The following TTC9 variants were observed in gnomAD, a reference collection of about 807,000 sequenced individuals.
TTC9 encodes the protein tetratricopeptide repeat domain 9.
A neutral mutation model predicts 22.9 loss-of-function variants in TTC9; 13 were observed. That is an observed-to-expected ratio of 0.57 (90% CI 0.37 to 0.90). The LOEUF is 0.90. TTC9 is among the 40% of genes least tolerant of loss of function. The pLI, the probability that TTC9 is intolerant of heterozygous loss-of-function variation, is 0.01. For missense variants in TTC9, 280 were observed against 291.8 expected, an observed-to-expected ratio of 0.96 and a Z score of 0.29; for synonymous variants, 148 against 133.2, an observed-to-expected ratio of 1.11 and a Z score of -0.77.
rs1263874282 is a variant in TTC9, at chr14:70,674,227, C to T, written c.*3072C>T. On this transcript the variant is annotated 3_prime_UTR_variant, in exon 3 of 3. Transcript: ENST00000256367. The stretch of plus-strand genomic sequence containing the variant: ...GGCATCTGACCTGCACTGTCATCCC[C>T]TGCCTGGACTTTTGCGATGGACTCT... The T allele has an allele frequency of 6.6e-6, 1 of 152,162 alleles. No homozygotes were observed. Among genetic ancestry groups the T allele is most frequent in the East Asian group, 1.9e-4 (1 of 5,196 alleles). The allele number at this position is 152,162 out of a possible 1,614,324, so 9.4% of individuals were successfully genotyped here.
chr14:70,642,318 A>AG lies in TTC9; in HGVS notation c.193dup (p.Ala65GlyfsTer11). 5 of 1,576,098 alleles carry AG rather than the reference A, an allele frequency of 3.2e-6. No homozygotes were observed. Among genetic ancestry groups the AG allele is most frequent in the Non-Finnish European group, 2.6e-6 (3 of 1,162,722 alleles). ...GACGAGCGCACGAGTTCAAAAGCCA[A>AG]GGGGCGCAGTGCTACAAGGACAAGA... On this transcript the variant is annotated frameshift_variant, in exon 1 of 3. Transcript: ENST00000256367. LOFTEE classifies it high-confidence loss of function.
intron 1 of TTC9, among the ~76,000 whole-genome samples, chr14:70,643,870 GAGT>G (rs1440226503): frequency 6.6e-6 from 1 of 152,202 alleles, no homozygotes; most frequent in Non-Finnish European, 1.5e-5. Context: ...AGGATTAATA[GAGT>G]AGTAGTAGCA....
At chr14:70,653,847 C>T (rs1282995836) in intron 1 of TTC9, among the ~76,000 whole-genome samples, 2 of 152,140 alleles carry the variant, frequency 1.3e-5, no homozygotes, top group Admixed American at 6.5e-5. Context: ...TTTGAGTCCC[C>T]AGGGGAGCTT....
rs1382334719 is a variant in TTC9 at position 70,673,833 on chromosome 14, C to T, written c.*2678C>T. 6.6e-6 allele frequency: 1 copy of T among 152,060 alleles called. No homozygotes were observed. 9.4% of individuals were successfully genotyped at this position (152,060 alleles called of 1,614,324 possible). On this transcript the variant is annotated 3_prime_UTR_variant, in exon 3 of 3. Coordinates refer to ENST00000256367, the MANE Select transcript of TTC9 (RefSeq NM_015351.2). ...ATCCAGGATATGATTGTAGCCATCC[C>T]ATGTAGAAAGATCAAAAACCAGAAC...
At chr14:70,667,857 C>T in intron 2 of TTC9, 111 bp downstream of exon 2, 6 of 1,033,216 alleles carry the variant, frequency 5.8e-6, no homozygotes, top group Non-Finnish European at 8.5e-6. Context: ...ACAGAGATGG[C>T]AAAATTAGGG....
At chr14:70,655,897 T>A (rs1886057776) in intron 1 of TTC9, among the ~76,000 whole-genome samples, 1 of 152,284 alleles carries the variant, frequency 6.6e-6, no homozygotes, top group Non-Finnish European at 1.5e-5. Flanking sequence ...ACCACTCACA[T>A]TTTTTGGCAG....
intron 1 of TTC9, among the ~76,000 whole-genome samples, chr14:70,659,132 G>GCACACACACACA (rs71105721): frequency 3.3e-4 from 47 of 144,314 alleles, no homozygotes; most frequent in African/African-American, 1.0e-3. Flanking sequence ...ACACACACAC[G>GCACACACACACA]CACACACACA....
chr14:70,666,222 G>A (rs1886213624), intron 1 of TTC9, among the ~76,000 whole-genome samples: 1 of 152,204 alleles, frequency 6.6e-6, no homozygotes, highest in African/African-American at 2.4e-5. Flanking sequence ...TCCCAGCCCT[G>A]TGGCTCCCTG....
chr14:70,655,443 C>G (rs1411649301), intron 1 of TTC9, among the ~76,000 whole-genome samples: 1 of 151,918 alleles, frequency 6.6e-6, no homozygotes, highest in Non-Finnish European at 1.5e-5. Context: ...AAAACTCTGT[C>G]ATTTACCACC....
intron 1 of TTC9, among the ~76,000 whole-genome samples, chr14:70,655,703 G>A (rs1426393598): frequency 6.6e-6 from 1 of 152,052 alleles, no homozygotes; most frequent in Admixed American, 6.6e-5. Flanking sequence ...GGGGCCACTC[G>A]ACTTCCTGTT....
In TTC9 at chr14:70,642,461, A is replaced by G; in HGVS notation, c.332A>G (p.Lys111Arg). 6.4e-7 allele frequency: 1 copy of G among 1,553,048 alleles called. No homozygotes were observed. The highest frequency in any genetic ancestry group is 8.7e-7 in the Non-Finnish European group (1 of 1,149,802). Residue 111 changes from lysine to arginine, a missense_variant, in exon 1 of 3, where the codon AAG (lysine) becomes AGG (arginine). This residue lies in a region of TTC9 where 165 missense variants were observed against 145.4 expected (regional missense o/e 1.14). Coordinates refer to ENST00000256367, the MANE Select transcript of TTC9 (RefSeq NM_015351.2). ...SRPASPAGAL[K>R]PGRLSEEQSK... ...CCGGCCTCCCCGGCTGGGGCCCTGA[A>G]GCCCGGCCGCCTCTCGGAGGAGCAG... is the stretch of plus-strand genomic sequence containing the variant.
At chr14:70,663,475 A>G (rs1372275874) in intron 1 of TTC9, among the ~76,000 whole-genome samples, 1 of 152,248 alleles carries the variant, frequency 6.6e-6, no homozygotes, top group African/African-American at 2.4e-5. Flanking sequence ...ACAAAAAATC[A>G]TCTAGTCCAA....
chr14:70,647,527 A>G (rs753124779), intron 1 of TTC9, among the ~76,000 whole-genome samples: 1 of 152,124 alleles, frequency 6.6e-6, no homozygotes, highest in Non-Finnish European at 1.5e-5. Context: ...GTTTGAAGCC[A>G]TTTCTAGTTT....
chr14:70,652,682 C>G (rs1250114126), intron 1 of TTC9, among the ~76,000 whole-genome samples: 1 of 152,232 alleles, frequency 6.6e-6, no homozygotes, highest in Non-Finnish European at 1.5e-5. Flanking sequence ...CTACCCATGG[C>G]TCAAGGCTGG....
At chr14:70,654,370 C>T (rs943241698) in intron 1 of TTC9, among the ~76,000 whole-genome samples, 2 of 151,870 alleles carry the variant, frequency 1.3e-5, no homozygotes, top group African/African-American at 4.8e-5. Context: ...GTGGGTGAAC[C>T]ACCTGAGGTC....
At chr14:70,670,767 G>T (rs998490146) in intron 2 of TTC9, among the ~76,000 whole-genome samples, 5 of 152,154 alleles carry the variant, frequency 3.3e-5, no homozygotes, top group Non-Finnish European at 7.4e-5. Context: ...TAAACTAACT[G>T]CGCCGGCTGG....
rs1885817711 is a variant in TTC9, at chr14:70,642,040, C to A, written c.-90C>A. On this transcript the variant is annotated 5_prime_UTR_variant, in exon 1 of 3. Transcript: ENST00000256367. ...CGAAGCCTGCGAGGCGCGGGGCCGG[C>A]GCCCGCGGCTTTTAAACCCGGGAAG... The A allele has an allele frequency of 4.0e-5, 36 of 905,918 alleles. No homozygotes were observed. Among genetic ancestry groups the A allele is most frequent in the Non-Finnish European group, 4.8e-5 (36 of 753,186 alleles). 56.1% of individuals were successfully genotyped at this position (905,918 alleles called of 1,614,324 possible).
intron 1 of TTC9, among the ~76,000 whole-genome samples, chr14:70,666,152 C>T (rs187655881): frequency 2.0e-5 from 3 of 152,104 alleles, no homozygotes; most frequent in East Asian, 1.9e-4. Context: ...GCCTAGGGCA[C>T]GAAATTTCAA....
chr14:70,642,279 G>A lies in TTC9; in HGVS notation c.150G>A (p.Pro50=), dbSNP rs765407534. 1.3e-6 allele frequency: 2 copies of A among 1,514,892 alleles called. No individual in the cohort carries two copies. The highest frequency in any genetic ancestry group is 1.8e-6 in the Non-Finnish European group (2 of 1,132,682). 93.8% of individuals were successfully genotyped at this position (1,514,892 alleles called of 1,614,324 possible). The change falls in exon 1 of 3, where the codon CCG becomes CCA. Residue 50 remains proline, a synonymous_variant. Coordinates refer to ENST00000256367, the MANE Select transcript of TTC9 (RefSeq NM_015351.2). ...GCCAGGTCGGGGCGGCGGCCGAGCC[G>A]GCCGAGCTCATCCGACGAGCGCACG... ...ARGQVGAAAE[P]AELIRRAHEF... is the part of the protein sequence containing the mutation.
Sources: gnomAD v4.1 joint callset for allele counts (sites outside exome capture counted in the v4.1 genomes callset) on GRCh38, gnomAD v4.1.1 for gene constraint, gnomAD v4.1.1 regional missense constraint, MANE v1.5 for transcripts, NCBI Gene and HGNC (gene_info 2026-07-23, HGNC 2026-07-21) for gene names.